SNTG1: variants seen among roughly 807,000 people sequenced by gnomAD.
SNTG1 encodes syntrophin gamma 1, also known as gamma-1-syntrophin.
SNTG1 carries 39 observed loss-of-function variants against 74.7 expected under a neutral mutation model. The ratio of observed to expected loss-of-function variants is 0.52; its 90% CI spans 0.40 to 0.68. The LOEUF (loss-of-function observed/expected upper bound fraction) is 0.68, where lower values mean the gene tolerates loss of function less well. Among genes scored for constraint, SNTG1 ranks in the 30% least tolerant of loss-of-function variants. The pLI is 0.00. For synonymous variants in SNTG1, 254 were observed against 217.1 expected, an observed-to-expected ratio of 1.17 and a Z score of -1.49; for missense variants, 685 against 609.5, an observed-to-expected ratio of 1.12 and a Z score of -1.30.
intron 13 of SNTG1, among the ~76,000 whole-genome samples, chr8:50,636,415 A>C (rs1481515510): frequency 1.3e-5 from 2 of 151,968 alleles, no homozygotes; most frequent in Non-Finnish European, 2.9e-5. Context: ...ACCCCAGAGC[A>C]CTTTGGCACA....
chr8:50,262,210 A>G (rs1432274886), intron 2 of SNTG1, among the ~76,000 whole-genome samples: 2 of 152,228 alleles, frequency 1.3e-5, no homozygotes, highest in Non-Finnish European at 2.9e-5. Context: ...AGCAGTGATT[A>G]AATGTAAATG....
intron 17 of SNTG1, among the ~76,000 whole-genome samples, chr8:50,728,489 T>C (rs1369235479): frequency 6.6e-6 from 1 of 152,156 alleles, no homozygotes; most frequent in Non-Finnish European, 1.5e-5. Context: ...TCTAAATAAA[T>C]TAATGCCTCT....
rs561426229 is a variant in SNTG1 at position 49,977,817 on chromosome 8, T to C, written c.-103+65586T>C. On this transcript the variant is annotated intron_variant, in intron 1 of 18. Transcript: ENST00000642720. The stretch of plus-strand genomic sequence containing the variant: ...CTTCATAGCAAGAGCTGATCAAAGA[T>C]AAAGTTAGAAGGTCAGAAGACATGC... Among the ~76,000 whole-genome samples, 4 of 152,266 alleles carry C rather than the reference T, an allele frequency of 2.6e-5. No homozygotes were observed. In the East Asian group the frequency reaches 7.7e-4, roughly 29 times the overall value.
At chr8:50,164,424 C>T (rs559993183) in intron 1 of SNTG1, 2 of 152,102 alleles carry the variant, frequency 1.3e-5, no homozygotes, top group Non-Finnish European at 2.9e-5. Flanking sequence ...TTTACTGGTA[C>T]TTATTCATTT....
intron 13 of SNTG1, among the ~76,000 whole-genome samples, chr8:50,621,069 T>C (rs1416556153): frequency 6.6e-6 from 1 of 150,452 alleles, no homozygotes; most frequent in Non-Finnish European, 1.5e-5. Context: ...ATAACTTTTT[T>C]TTTTTTTTTT....
intron 8 of SNTG1, among the ~76,000 whole-genome samples, chr8:50,494,869 T>C (rs1325211925): frequency 6.6e-6 from 1 of 152,116 alleles, no homozygotes; most frequent in Non-Finnish European, 1.5e-5. Flanking sequence ...TATCAAATGT[T>C]TCAATATTCT....
chr8:50,713,438 C>T (rs2095467313), intron 17 of SNTG1, among the ~76,000 whole-genome samples: 1 of 152,010 alleles, frequency 6.6e-6, no homozygotes. Flanking sequence ...AAAATTTTCT[C>T]CCATTCTATA....
intron 11 of SNTG1, among the ~76,000 whole-genome samples, chr8:50,538,060 A>G (rs554903006): frequency 6.6e-6 from 1 of 152,164 alleles, no homozygotes; most frequent in Non-Finnish European, 1.5e-5. Flanking sequence ...ATTTTTGAGT[A>G]TATCACTTTG....
intron 15 of SNTG1, among the ~76,000 whole-genome samples, chr8:50,678,825 T>G (rs968953431): frequency 2.6e-5 from 4 of 152,124 alleles, no homozygotes; most frequent in Admixed American, 1.3e-4. Context: ...TTTTTTATAG[T>G]GTTCCAATTC....
chr8:50,369,496 T>C (rs1010805681), intron 2 of SNTG1, among the ~76,000 whole-genome samples: 3 of 151,616 alleles, frequency 2.0e-5, no homozygotes, highest in African/African-American at 4.9e-5. Context: ...CTTGGGAGGC[T>C]GAGGCAGGAA....
intron 1 of SNTG1, among the ~76,000 whole-genome samples, chr8:50,078,441 GT>G (rs1196253578): frequency 2.0e-5 from 3 of 151,978 alleles, no homozygotes; most frequent in Admixed American, 1.3e-4. Context: ...TCTTAGCAAT[GT>G]TTGGTACATT....
intron 1 of SNTG1, among the ~76,000 whole-genome samples, chr8:50,171,305 G>T (rs886482107): frequency 6.6e-6 from 1 of 151,990 alleles, no homozygotes; most frequent in Admixed American, 6.6e-5. Context: ...CCCACAATAG[G>T]CTGCCTGTCA....
At chr8:49,922,432 C>A (rs534492201) in intron 1 of SNTG1, among the ~76,000 whole-genome samples, 1 of 152,214 alleles carries the variant, frequency 6.6e-6, no homozygotes, top group East Asian at 1.9e-4. Flanking sequence ...AAACAGTGGG[C>A]AATTTATTCC....
chr8:50,147,138 T>A (rs779611581), intron 1 of SNTG1, among the ~76,000 whole-genome samples: 1 of 152,222 alleles, frequency 6.6e-6, no homozygotes, highest in Non-Finnish European at 1.5e-5. Context: ...ATAAAATTCT[T>A]CTGCATGATA....
chr8:50,289,969 A>G (rs907884560), intron 2 of SNTG1, among the ~76,000 whole-genome samples: 17 of 152,174 alleles, frequency 1.1e-4, no homozygotes, highest in Admixed American at 2.6e-4. Context: ...GCATCTGTTG[A>G]AGAACATGAG....
chr8:49,938,607 C>CTTTTCTT (rs60669251), intron 1 of SNTG1, among the ~76,000 whole-genome samples: 4 of 27,874 alleles, frequency 1.4e-4, no homozygotes, highest in African/African-American at 3.8e-4. Flanking sequence ...CTTTTCTTTT[C>CTTTTCTT]TTTCTTTCTT....
intron 1 of SNTG1, among the ~76,000 whole-genome samples, chr8:49,923,634 A>T (rs191446174): frequency 1.3e-5 from 2 of 152,234 alleles, no homozygotes. Flanking sequence ...TTGAGCATCA[A>T]TCTCAGACTA....
chr8:50,332,281 A>AT (rs1251286690), intron 2 of SNTG1, among the ~76,000 whole-genome samples: 2 of 151,894 alleles, frequency 1.3e-5, no homozygotes, highest in African/African-American at 4.8e-5. Flanking sequence ...ATTATTATTC[A>AT]TTTTTTCCAG....
intron 17 of SNTG1, among the ~76,000 whole-genome samples, chr8:50,742,323 T>C (rs1273890285): frequency 6.6e-6 from 1 of 151,926 alleles, no homozygotes; most frequent in Non-Finnish European, 1.5e-5. Flanking sequence ...ATACAAAATA[T>C]CTTTTCTGCT....
Sources: allele counts gnomAD v4.1 joint callset (sites outside exome capture counted in the v4.1 genomes callset), GRCh38; gene constraint gnomAD v4.1.1; transcripts MANE v1.5; gene names NCBI Gene and HGNC (gene_info 2026-07-23, HGNC 2026-07-21).